Variants in MEI4 observed in about 807,000 individuals in gnomAD.
The protein encoded by MEI4 is meiosis-specific protein MEI4.
Under a neutral mutation model 31.4 loss-of-function variants are expected in MEI4, and 27 were observed. The ratio of observed to expected loss-of-function variants is 0.86; its 90% confidence interval spans 0.63 to 1.19. MEI4 has a LOEUF of 1.19. MEI4 is among the 50% of genes most tolerant of loss of function. The pLI, the probability that MEI4 is intolerant of heterozygous loss-of-function variation, is 0.00. For missense variants in MEI4, 329 were observed against 398.9 expected, an observed-to-expected ratio of 0.82 and a Z score of 1.49; for synonymous variants, 122 against 145.4, an observed-to-expected ratio of 0.84 and a Z score of 1.16.
rs182757690 is a variant in MEI4 at position 77,773,272 on chromosome 6, A to G, written c.768+11607A>G. Among the ~76,000 whole-genome samples, 450 of 152,132 alleles carry G rather than the reference A, an allele frequency of 3.0e-3. 10 individuals are homozygous for G. Among genetic ancestry groups the G allele is most frequent in the Admixed American group, 0.026 (404 of 15,258 alleles). On this transcript the variant is annotated intron_variant, in intron 3 of 4. Transcript: ENST00000684080. ...CAAAAAGAACAAAGATGGAGGAATC[A>G]CATTACCACTATACTGGAGAGCTGT...
intron 1 of MEI4, among the ~76,000 whole-genome samples, chr6:77,661,496 G>A (rs180772710): frequency 1.1e-4 from 16 of 152,280 alleles, no homozygotes; most frequent in African/African-American, 3.4e-4. Flanking sequence ...AGGCTTGTGA[G>A]TAAAGTCAAT....
chr6:77,903,553 G>A lies in MEI4; in HGVS notation c.901-19536G>A, dbSNP rs1009259724. Among the ~76,000 whole-genome samples, 3 of 152,078 alleles carry A rather than the reference G, an allele frequency of 2.0e-5. No homozygotes were observed. The South Asian group carries it at 6.2e-4, about 31-fold the overall frequency. On this transcript the variant is annotated intron_variant, in intron 4 of 4. Transcript: ENST00000684080. Reference sequence around the variant, plus strand: ...TTCAAATGTAATCCCATTGTAAGTTGAGGAACATCTGTACTATGTTGAATG... The same window carrying A: ...TTCAAATGTAATCCCATTGTAAGTTAAGGAACATCTGTACTATGTTGAATG...
chr6:77,785,143 T>G (rs1478431221), intron 3 of MEI4, among the ~76,000 whole-genome samples: 1 of 152,224 alleles, frequency 6.6e-6, no homozygotes, highest in Non-Finnish European at 1.5e-5. Context: ...GAAATCTATA[T>G]GCCTTCTCTG....
intron 3 of MEI4, among the ~76,000 whole-genome samples, chr6:77,822,609 GAT>G (rs972631661): frequency 1.2e-5 from 1 of 81,480 alleles, no homozygotes; most frequent in African/African-American, 6.2e-5. Flanking sequence ...ATTGCATTTG[GAT>G]ACCCCCCCCC....
chr6:77,790,007 A>G (rs1213121138), intron 3 of MEI4, among the ~76,000 whole-genome samples: 1 of 152,108 alleles, frequency 6.6e-6, no homozygotes, highest in Non-Finnish European at 1.5e-5. Context: ...AACCAAGCCA[A>G]ATGTCCAACA....
chr6:77,743,339 C>T (rs890581754), intron 2 of MEI4, among the ~76,000 whole-genome samples: 26 of 152,110 alleles, frequency 1.7e-4, no homozygotes, highest in African/African-American at 5.8e-4. Context: ...TCCTTCACAT[C>T]CCTTGTAAGT....
chr6:77,881,398 A>G (rs1236636914), intron 4 of MEI4, among the ~76,000 whole-genome samples: 1 of 152,220 alleles, frequency 6.6e-6, no homozygotes, highest in African/African-American at 2.4e-5. Context: ...ACCATTTTCA[A>G]AATTTCATTT....
chr6:77,859,204 T>C (rs1770809745), intron 4 of MEI4, among the ~76,000 whole-genome samples: 1 of 152,212 alleles, frequency 6.6e-6, no homozygotes, highest in Admixed American at 6.5e-5. Flanking sequence ...ATCTCATCCC[T>C]TTTTATGGCT....
Position 77,831,287 on chromosome 6 carries a change from C to T in MEI4, c.900+2225C>T, listed in dbSNP as rs12664392. Among the ~76,000 whole-genome samples, 3,446 of 151,858 alleles carry T rather than the reference C, an allele frequency of 0.023. 331 individuals are homozygous for T. In the East Asian group the frequency reaches 0.31, roughly 14 times the overall value. ...GAGGATTTGGAGAAAGGCAAATGCT[C>T]ATAGACTGTTGGTAGGAATGTAAAG... On this transcript the variant is annotated intron_variant, in intron 4 of 4. Transcript: ENST00000684080.
At chr6:77,870,576 A>G (rs1771165984) in intron 4 of MEI4, among the ~76,000 whole-genome samples, 1 of 148,688 alleles carries the variant, frequency 6.7e-6, no homozygotes, top group Non-Finnish European at 1.5e-5. Flanking sequence ...TTCTGGCACA[A>G]CTTTTTTTAA....
At chr6:77,844,221 C>T (rs1174192614) in intron 4 of MEI4, among the ~76,000 whole-genome samples, 2 of 152,084 alleles carry the variant, frequency 1.3e-5, no homozygotes, top group Admixed American at 1.3e-4. Flanking sequence ...TTGTCTTTCT[C>T]TTGTCACAGT....
At chr6:77,738,060 G>C (rs1029498948) in intron 2 of MEI4, among the ~76,000 whole-genome samples, 1 of 152,178 alleles carries the variant, frequency 6.6e-6, no homozygotes, top group African/African-American at 2.4e-5. Flanking sequence ...GAAAGATGGG[G>C]ACATCCACGA....
At chr6:77,822,128 G>A (rs116165217) in intron 3 of MEI4, among the ~76,000 whole-genome samples, 2,186 of 152,074 alleles carry the variant, frequency 0.014, 54 homozygotes, top group African/African-American at 0.05. Flanking sequence ...TACGAATTCT[G>A]CATTACATTA....
At chr6:77,866,321 C>T (rs1271983941) in intron 4 of MEI4, among the ~76,000 whole-genome samples, 6 of 152,070 alleles carry the variant, frequency 3.9e-5, no homozygotes, top group Non-Finnish European at 7.4e-5. Context: ...GATTGTATAT[C>T]TAGAAAACCC....
Position 77,926,785 on chromosome 6 carries a change from T to C in MEI4, c.*3439T>C, listed in dbSNP as rs1766853572. ...TTTGTCAGATTTATGAAACCAAGCT[T>C]TCTCTTAGCAGTCAATATAATGACC... is the stretch of plus-strand genomic sequence containing the variant. On this transcript the variant is annotated 3_prime_UTR_variant, in exon 5 of 5. Transcript: ENST00000684080. 1.3e-5 allele frequency: 2 copies of C among 152,076 alleles called. No homozygotes were observed. The highest frequency in any genetic ancestry group is 4.8e-5 in the African/African-American group (2 of 41,548). 9.4% of individuals were successfully genotyped at this position (152,076 alleles called of 1,614,324 possible).
At chr6:77,650,688 T>G (rs1768284668), upstream of MEI4, among the ~76,000 whole-genome samples, 1 of 152,258 alleles carries the variant, frequency 6.6e-6, no homozygotes, top group Non-Finnish European at 1.5e-5. Flanking sequence ...GGTTTGGACC[T>G]GAGCTCGCAA....
chr6:77,823,410 G>C (rs963905981), intron 3 of MEI4, among the ~76,000 whole-genome samples: 1 of 152,168 alleles, frequency 6.6e-6, no homozygotes, highest in Non-Finnish European at 1.5e-5. Flanking sequence ...GGATAGCAGC[G>C]TCTCTCATTC....
chr6:77,650,768 T>C (rs746299096), upstream of MEI4, among the ~76,000 whole-genome samples: 6 of 152,200 alleles, frequency 3.9e-5, no homozygotes, highest in Non-Finnish European at 8.8e-5. Context: ...TTATAGACTG[T>C]GTCTGCTGTG....
intron 4 of MEI4, among the ~76,000 whole-genome samples, chr6:77,895,350 C>T (rs186043276): frequency 1.1e-4 from 17 of 152,260 alleles, no homozygotes; most frequent in Non-Finnish European, 1.9e-4. Flanking sequence ...TCTCCCTGCT[C>T]TTCCTTTAAG....
Sources: gnomAD v4.1 joint callset for allele counts (sites outside exome capture counted in the v4.1 genomes callset) on GRCh38, gnomAD v4.1.1 for gene constraint, MANE v1.5 for transcripts, NCBI Gene and HGNC (gene_info 2026-07-23, HGNC 2026-07-21) for gene names.